Variants in HUWE1 observed in about 807,000 individuals in gnomAD.
HUWE1 encodes the protein E3 ubiquitin-protein ligase HUWE1.
Under a neutral mutation model 299.4 loss-of-function variants are expected in HUWE1, and 18 were observed. The observed-to-expected ratio is 0.06, with a 90% CI of 0.04 to 0.09. The LOEUF (loss-of-function observed/expected upper bound fraction) is 0.09. HUWE1 is among the 10% of genes least tolerant of loss of function. The probability of loss-of-function intolerance (pLI) is 1.00; values close to 1 mark genes in which losing one functional copy is unlikely to be tolerated. For missense variants in HUWE1, 1,832 were observed against 3,462.3 expected (o/e 0.53, Z 11.82); for synonymous variants, 1,317 against 1,286.1 (o/e 1.02, Z -0.51).
At position 53,538,189 on chromosome X, in the gene HUWE1, T is replaced by C; in HGVS notation, c.11996+148A>G. On this transcript the variant is annotated intron_variant, in intron 77 of 83. Transcript: ENST00000262854. ...AGTATTTAGGTATGATGGCCATCAA[T>C]GCTACAGCTGTCTCTTCCCTCCTCA... is the stretch of plus-strand genomic sequence containing the variant. 3 of 508,692 alleles carry C rather than the reference T, an allele frequency of 5.9e-6. No individual in the cohort carries two copies. The South Asian group carries it at 7.8e-5, about 13-fold the overall frequency. 41.9% of individuals were successfully genotyped at this position (508,692 alleles called of 1,213,427 possible).
rs144749029 is a variant in HUWE1, at chrX:53,659,902, A to T, written c.-24-5771T>A. On this transcript the variant is annotated intron_variant, in intron 3 of 83. Coordinates refer to ENST00000262854, the MANE Select transcript of HUWE1 (RefSeq NM_031407.7). Reference sequence around the variant, plus strand: ...ACAATCCTCCAAAACAAGAGCACAGAGTAACTTATGCACTGAAATAAGCAA... The same window carrying T: ...ACAATCCTCCAAAACAAGAGCACAGTGTAACTTATGCACTGAAATAAGCAA... Among the ~76,000 whole-genome samples the T allele has an allele frequency of 7.7e-3, 865 of 112,524 alleles. 3 individuals are homozygous for T. The highest frequency in any genetic ancestry group is 0.014 in the Non-Finnish European group (730 of 53,309).
intron 46 of HUWE1, among the ~76,000 whole-genome samples, chrX:53,574,943 T>C (rs1032981135): frequency 8.9e-6 from 1 of 112,533 alleles, no homozygotes; most frequent in Non-Finnish European, 1.9e-5. Context: ...ACAGCAACCA[T>C]TACTAGGTTG....
intron 29 of HUWE1, 132 bp from the exon 30 acceptor site, chrX:53,595,535 G>A: frequency 7.2e-6 from 4 of 554,321 alleles, no homozygotes; most frequent in Non-Finnish European, 1.2e-5. Context: ...ACTTGGATTT[G>A]TTCTACATTC....
chrX:53,683,108 G>T (rs1416404503), intron 2 of HUWE1, among the ~76,000 whole-genome samples: 1 of 111,300 alleles, frequency 9.0e-6, no homozygotes, highest in African/African-American at 3.3e-5. Flanking sequence ...TGCGCCAAGG[G>T]GACCAATGGA....
At position 53,600,468 on chromosome X, in the gene HUWE1, T is replaced by C. The variant is rs1025396450; in HGVS notation, c.2972-159A>G. 3.5e-5 allele frequency among the ~76,000 whole-genome samples: 4 copies of C among 112,679 alleles called. No individual in the cohort carries two copies. The East Asian group carries it at 1.1e-3, about 31-fold the overall frequency. On this transcript the variant is annotated intron_variant, in intron 28 of 83. Coordinates refer to ENST00000262854, the MANE Select transcript of HUWE1 (RefSeq NM_031407.7). ...CAAAAACACGACCCAAATATTTTAC[T>C]GATATGCTCCTCTGGAGTTCTAAGT... is the stretch of plus-strand genomic sequence containing the variant.
chrX:53,592,642 GAA>G lies in HUWE1; in HGVS notation c.3742-16_3742-15del. On this transcript the variant is annotated splice_polypyrimidine_tract_variant and intron_variant, in intron 32 of 83. Transcript: ENST00000262854. ...AGTAAAGGCTGCCTGTAAGTAATTT[GAA>G]AAGTGTGTGAAAATCATTTTGCTTC... 6 of 1,113,435 alleles carry G rather than the reference GAA, an allele frequency of 5.4e-6. No individual in the cohort carries two copies. Among genetic ancestry groups the G allele is most frequent in the Non-Finnish European group, 7.4e-6 (6 of 810,900 alleles). The allele number at this position is 1,113,435 out of a possible 1,213,427, so 91.8% of individuals were successfully genotyped here. A position where few individuals can be genotyped will look rare whatever the true frequency, so the allele number is the denominator to read the frequency against.
chrX:53,545,699 G>A (rs2061514883), intron 70 of HUWE1, among the ~76,000 whole-genome samples: 1 of 111,665 alleles, frequency 9.0e-6, no homozygotes, highest in South Asian at 3.8e-4. Context: ...CTGGAAGAAC[G>A]TTGTAATTTT....
In HUWE1 at chrX:53,563,763, C is replaced by T; in HGVS notation, c.7088G>A (p.Gly2363Glu). The change falls in exon 52 of 84, where the codon GGG becomes GAG. Residue 2363 changes from glycine (G) to glutamate (E), a missense_variant. Gly to Glu is a moderately conservative substitution (Grantham distance 98). Coordinates refer to ENST00000262854, the MANE Select transcript of HUWE1 (RefSeq NM_031407.7). The part of the protein sequence containing the change: ...DELLERDGGS[G>E]NSTIIVSRSG... ...GCTCTCACCTATAATTGTACTGTTC[C>T]CAGATCCGCCATCCCTCTCAAGCAA... The T allele has an allele frequency of 8.3e-7, 1 of 1,211,163 alleles. No individual in the cohort carries two copies. The highest frequency in any genetic ancestry group is 1.1e-6 in the Non-Finnish European group (1 of 895,333).
chrX:53,639,052 AT>A (rs1557028549), intron 7 of HUWE1, among the ~76,000 whole-genome samples: 1 of 112,533 alleles, frequency 8.9e-6, no homozygotes, highest in South Asian at 3.6e-4. Flanking sequence ...TTTTGAAAAC[AT>A]CACATACAAA....
chrX:53,647,918 A>G (rs1179288996), intron 5 of HUWE1, among the ~76,000 whole-genome samples: 1 of 112,431 alleles, frequency 8.9e-6, no homozygotes, highest in Non-Finnish European at 1.9e-5. Flanking sequence ...GTTATCTAAT[A>G]AAAATTCTTC....
Position 53,554,559 on chromosome X carries a change from A to G in HUWE1, c.8494+74T>C. ...TCCTACTATTTCTCTCAAGCAAAAG[A>G]GCAAAGAGAAGCTACAAAGACATCC... On this transcript the variant is annotated intron_variant, in intron 61 of 83. Transcript: ENST00000262854. The G allele has an allele frequency of 2.9e-6, 3 of 1,039,879 alleles. No homozygotes were observed. In the East Asian group the frequency reaches 9.1e-5, roughly 31 times the overall value. The allele number at this position is 1,039,879 out of a possible 1,213,427, so 85.7% of individuals were successfully genotyped here.
At chrX:53,662,386 C>T (rs782451706) in intron 3 of HUWE1, among the ~76,000 whole-genome samples, 2 of 111,639 alleles carry the variant, frequency 1.8e-5, no homozygotes, top group East Asian at 2.8e-4. Flanking sequence ...TTTCTAAGTT[C>T]GCCGCTGGAA....
At chrX:53,578,775 C>T (rs1371277467) in intron 43 of HUWE1, among the ~76,000 whole-genome samples, 1 of 72,748 alleles carries the variant, frequency 1.4e-5, no homozygotes, top group Non-Finnish European at 2.7e-5. Context: ...CCCCTCTGCC[C>T]GGCCAGCCGC....
chrX:53,648,530 C>A lies in HUWE1; in HGVS notation c.46-220G>T, dbSNP rs12387304. 0.15 allele frequency among the ~76,000 whole-genome samples: 13,844 copies of A among 94,139 alleles called. 3,397 individuals carry two copies. The highest frequency in any genetic ancestry group is 0.59 in the African/African-American group (12,845 of 21,837). The allele number at this position is 94,139 out of a possible 115,157, so 81.7% of individuals were successfully genotyped here. ...CAACAATCCACCTGGGCTTAAAAAA[C>A]AAAAAAAAACAAAAAAAAACAAAAA... is the stretch of plus-strand genomic sequence containing the variant. On this transcript the variant is annotated intron_variant, in intron 4 of 83. Transcript: ENST00000262854.
rs1479015628 is a variant in HUWE1, at chrX:53,579,143, A to G, written c.5716+1688T>C. Among the ~76,000 whole-genome samples the G allele has an allele frequency of 4.2e-3, 264 of 62,868 alleles. 3 individuals are homozygous for G. The highest frequency in any genetic ancestry group is 0.017 in the African/African-American group (253 of 15,101). The allele number at this position is 62,868 out of a possible 115,157, so 54.6% of individuals were successfully genotyped here. ...GGGGCGCCTCTGCCCGGCCGCCCCT[A>G]CTGGGAAGTGAGGACCCCTCTGCCC... On this transcript the variant is annotated intron_variant, in intron 43 of 83. Coordinates refer to ENST00000262854, the MANE Select transcript of HUWE1 (RefSeq NM_031407.7).
intron 8 of HUWE1, 77 bp from the exon 9 acceptor site, chrX:53,632,641 A>G: frequency 2.6e-6 from 2 of 755,253 alleles, no homozygotes; most frequent in Non-Finnish European, 4.1e-6. Flanking sequence ...ATCTTCCCTC[A>G]AAGTCCTAGC....
At chrX:53,602,513 T>C in intron 28 of HUWE1, 51 bp downstream of exon 28, 1 of 736,015 alleles carries the variant, frequency 1.4e-6, no homozygotes, top group Non-Finnish European at 2.1e-6. Flanking sequence ...TATAAAGACG[T>C]AGGAACAAAA....
chrX:53,594,004 G>A (rs1426778350), intron 31 of HUWE1, among the ~76,000 whole-genome samples: 1 of 111,137 alleles, frequency 9.0e-6, no homozygotes, highest in Non-Finnish European at 1.9e-5. Context: ...GGCTGAGACA[G>A]GAGAATGGCA....
chrX:53,638,354 CAA>C (rs1305083040), intron 7 of HUWE1, among the ~76,000 whole-genome samples: 1 of 106,466 alleles, frequency 9.4e-6, no homozygotes, highest in African/African-American at 3.4e-5. Flanking sequence ...AAACAAAAAA[CAA>C]AAAAAAAATA....
Sources: allele counts gnomAD v4.1 joint callset (sites outside exome capture counted in the v4.1 genomes callset), GRCh38; gene constraint gnomAD v4.1.1; transcripts MANE v1.5; gene names NCBI Gene and HGNC (gene_info 2026-07-23, HGNC 2026-07-21).